KCNJ16: variants seen among roughly 807,000 people sequenced by gnomAD.
The protein encoded by KCNJ16 is inward rectifier potassium channel 16.
A neutral mutation model predicts 18.5 loss-of-function variants in KCNJ16; 15 were observed. That is an observed-to-expected ratio of 0.81 (90% CI 0.54 to 1.25). KCNJ16 has a LOEUF of 1.25. Among genes scored for constraint, KCNJ16 ranks in the 50% most tolerant of loss-of-function variants. The pLI is 0.00. For missense variants in KCNJ16, 523 were observed against 525.7 expected, an observed-to-expected ratio of 0.99 and a Z score of 0.05; for synonymous variants, 174 against 186.5, an observed-to-expected ratio of 0.93 and a Z score of 0.55.
chr17:70,132,718 G>C lies in KCNJ16; in HGVS notation c.631G>C (p.Val211Leu), dbSNP rs1445738439. The change falls in exon 4 of 4, where the codon GTG becomes CTG. Residue 211 changes from valine to leucine, a missense_variant. Coordinates refer to ENST00000392671, the MANE Select transcript of KCNJ16 (RefSeq NM_170741.4). Reference protein sequence around the residue: ...WRIGDFRPNHVVEGTVRAQLL... With the variant: ...WRIGDFRPNHLVEGTVRAQLL... Reference sequence around the variant, plus strand: ...CATTGGTGATTTTCGGCCAAACCACGTGGTAGAAGGAACAGTTAGAGCCCA... The same window carrying C: ...CATTGGTGATTTTCGGCCAAACCACCTGGTAGAAGGAACAGTTAGAGCCCA... The C allele has an allele frequency of 1.2e-6, 2 of 1,614,112 alleles. No individual in the cohort carries two copies. Among genetic ancestry groups the C allele is most frequent in the Admixed American group, 3.3e-5 (2 of 60,022 alleles).
At chr17:70,114,039 C>A (rs540527938) in intron 2 of KCNJ16, among the ~76,000 whole-genome samples, 1 of 152,112 alleles carries the variant, frequency 6.6e-6, no homozygotes, top group Non-Finnish European at 1.5e-5. Flanking sequence ...CTGGATCTTC[C>A]TAGGAAGATC....
chr17:70,086,244 A>G (rs2071791104), intron 1 of KCNJ16, among the ~76,000 whole-genome samples: 1 of 152,216 alleles, frequency 6.6e-6, no homozygotes, highest in Admixed American at 6.5e-5. Context: ...TTTTTATTAC[A>G]ATTAGTTAAT....
Position 70,091,398 on chromosome 17 carries a change from C to T in KCNJ16, c.-299-9260C>T, listed in dbSNP as rs188279504. Among the ~76,000 whole-genome samples, 4 of 152,316 alleles carry T rather than the reference C, an allele frequency of 2.6e-5. No homozygotes were observed. The East Asian group carries it at 7.7e-4, about 29-fold the overall frequency. On this transcript the variant is annotated intron_variant, in intron 1 of 3. Coordinates refer to ENST00000392671, the MANE Select transcript of KCNJ16 (RefSeq NM_170741.4). ...GTCTTATACATCATAAATTTGCTAA[C>T]AACCAGCTACCCTCCTCCAACACAG... is the stretch of plus-strand genomic sequence containing the variant.
intron 2 of KCNJ16, among the ~76,000 whole-genome samples, chr17:70,102,974 G>A (rs2366484): frequency 0.097 from 14,608 of 150,974 alleles, 758 homozygotes; most frequent in African/African-American, 0.13. Context: ...TCACTCTGCC[G>A]CTCTGGCTGG....
chr17:70,121,266 A>G (rs2073626806), intron 2 of KCNJ16, among the ~76,000 whole-genome samples: 1 of 152,192 alleles, frequency 6.6e-6, no homozygotes, highest in African/African-American at 2.4e-5. Context: ...GTTTAATGTA[A>G]TCAGCTACCA....
At chr17:70,123,341 A>G (rs946766954) in intron 2 of KCNJ16, among the ~76,000 whole-genome samples, 2 of 152,240 alleles carry the variant, frequency 1.3e-5, no homozygotes, top group Non-Finnish European at 2.9e-5. Flanking sequence ...ACGAGAGGCA[A>G]GAAACCTTTG....
chr17:70,083,497 T>C (rs1426735890), intron 1 of KCNJ16, among the ~76,000 whole-genome samples: 6 of 152,158 alleles, frequency 3.9e-5, no homozygotes, highest in South Asian at 2.1e-4. Context: ...ACATTTTCTA[T>C]GTTTAGACAA....
At chr17:70,097,615 T>C (rs1244923898) in intron 1 of KCNJ16, among the ~76,000 whole-genome samples, 1 of 152,156 alleles carries the variant, frequency 6.6e-6, no homozygotes, top group Non-Finnish European at 1.5e-5. Flanking sequence ...TTTTCTACAG[T>C]GACTATTTCA....
intron 2 of KCNJ16, among the ~76,000 whole-genome samples, chr17:70,106,971 GCTTTTTC>G (rs1157435741): frequency 1.5e-4 from 23 of 152,302 alleles, no homozygotes; most frequent in African/African-American, 5.3e-4. Flanking sequence ...CTTTAAAGTG[GCTTTTTC>G]CTGATGGTTT....
intron 2 of KCNJ16, among the ~76,000 whole-genome samples, chr17:70,127,067 CA>C (rs2073879266): frequency 6.6e-6 from 1 of 152,058 alleles, no homozygotes; most frequent in East Asian, 1.9e-4. Flanking sequence ...TAAACTGGCA[CA>C]AGGTTTTCTT....
intron 1 of KCNJ16, among the ~76,000 whole-genome samples, chr17:70,097,495 T>G (rs2072432967): frequency 6.6e-6 from 1 of 152,150 alleles, no homozygotes; most frequent in Non-Finnish European, 1.5e-5. Flanking sequence ...AAGAGCTCCA[T>G]CAGGAGCACC....
intron 1 of KCNJ16, chr17:70,096,580 T>C (rs1035856363): frequency 1.0e-5 from 2 of 191,104 alleles, no homozygotes; most frequent in African/African-American, 4.6e-5. Context: ...TAATGCTTAT[T>C]CAATAAATAA....
At chr17:70,090,734 T>A (rs62083037) in intron 1 of KCNJ16, among the ~76,000 whole-genome samples, 1 of 138,268 alleles carries the variant, frequency 7.2e-6, no homozygotes, top group East Asian at 2.2e-4. Flanking sequence ...ACTCACAATA[T>A]GGCTAACCCA....
chr17:70,124,572 C>T (rs1395073899), intron 2 of KCNJ16, among the ~76,000 whole-genome samples: 2 of 152,092 alleles, frequency 1.3e-5, no homozygotes, highest in East Asian at 1.9e-4. Flanking sequence ...CATCAGATCT[C>T]GTGTTATCTG....
intron 2 of KCNJ16, among the ~76,000 whole-genome samples, chr17:70,105,479 C>T (rs752354799): frequency 1.3e-5 from 2 of 152,190 alleles, no homozygotes; most frequent in Non-Finnish European, 2.9e-5. Flanking sequence ...GTCTTTGTCA[C>T]TCTTCCACTG....
At position 70,085,813 on chromosome 17, in the gene KCNJ16, A is replaced by G. The variant is rs539940499; in HGVS notation, c.-300+10423A>G. 1.2e-3 allele frequency among the ~76,000 whole-genome samples: 176 copies of G among 152,330 alleles called. 7 individuals are homozygous for G. In the South Asian group the frequency reaches 0.035, roughly 30 times the overall value. On this transcript the variant is annotated intron_variant, in intron 1 of 3. Coordinates refer to ENST00000392671, the MANE Select transcript of KCNJ16 (RefSeq NM_170741.4). ...AATATCTTCACTTTATTCAATGGGC[A>G]GAACACTAGATGTTCCAGCATAAGA...
chr17:70,078,130 T>C (rs2366287), intron 1 of KCNJ16, among the ~76,000 whole-genome samples: 139,121 of 152,214 alleles, frequency 0.91, 63,745 homozygotes, highest in East Asian at 1. Context: ...CCTCACCTTG[T>C]TCCAGAAAGT....
At chr17:70,117,520 T>C (rs1398273432) in intron 2 of KCNJ16, among the ~76,000 whole-genome samples, 1 of 152,176 alleles carries the variant, frequency 6.6e-6, no homozygotes, top group Non-Finnish European at 1.5e-5. Context: ...GACGATAACA[T>C]AAAAACAAGT....
chr17:70,131,456 A>C, intron 3 of KCNJ16: 2 of 999,040 alleles, frequency 2.0e-6, no homozygotes, highest in Non-Finnish European at 2.4e-6. Context: ...TCCGTGGAAG[A>C]GAGAGCAAGC....
Sources: gnomAD v4.1 joint callset for allele counts (sites outside exome capture counted in the v4.1 genomes callset) on GRCh38, gnomAD v4.1.1 for gene constraint, MANE v1.5 for transcripts, NCBI Gene and HGNC (gene_info 2026-07-23, HGNC 2026-07-21) for gene names.